FRMD4B: variants seen among roughly 807,000 people sequenced by gnomAD.
FRMD4B encodes FERM domain containing 4B.
A neutral mutation model predicts 141.5 loss-of-function variants in FRMD4B; 74 were observed. That is an observed-to-expected ratio of 0.52 (90% CI 0.43 to 0.63). The LOEUF (loss-of-function observed/expected upper bound fraction) is 0.63. Ranked by LOEUF, FRMD4B falls within the 30% of genes least tolerant of loss-of-function variation. The probability of loss-of-function intolerance (pLI) is 0.00; values close to 1 mark genes in which losing one functional copy is unlikely to be tolerated. For synonymous variants in FRMD4B, 506 were observed against 467.9 expected (o/e 1.08, Z -1.05); for missense variants, 1,366 against 1,253.4 (o/e 1.09, Z -1.36).
chr3:69,317,464 G>T (rs1409800236), intron 1 of FRMD4B, among the ~76,000 whole-genome samples: 1 of 152,064 alleles, frequency 6.6e-6, no homozygotes, highest in Non-Finnish European at 1.5e-5. Flanking sequence ...GGAGGCAAAA[G>T]ACCTGGGTGC....
chr3:69,221,346 C>G (rs570491269), intron 9 of FRMD4B, among the ~76,000 whole-genome samples: 16 of 152,260 alleles, frequency 1.1e-4, no homozygotes, highest in African/African-American at 3.6e-4. Context: ...CATGAAGAAA[C>G]AGACTATCTA....
At chr3:69,293,663 T>A (rs1160023409) in intron 4 of FRMD4B, among the ~76,000 whole-genome samples, 1 of 152,006 alleles carries the variant, frequency 6.6e-6, no homozygotes, top group Non-Finnish European at 1.5e-5. Context: ...GGCAGATCAC[T>A]TGAGGCCAGG....
intron 1 of FRMD4B, among the ~76,000 whole-genome samples, chr3:69,333,477 C>T (rs1220812737): frequency 6.6e-6 from 1 of 152,156 alleles, no homozygotes; most frequent in African/African-American, 2.4e-5. Context: ...AATTAGAAAT[C>T]CTTGTAGAAC....
Position 69,196,282 on chromosome 3 carries a change from C to T in FRMD4B, c.1207G>A (p.Ala403Thr), listed in dbSNP as rs761999020. The change falls in exon 14 of 23, where the codon GCA becomes ACA. Residue 403 changes from alanine (A) to threonine (T), a missense_variant. Ala to Thr is a moderately conservative substitution (Grantham distance 58, BLOSUM62 0). Coordinates refer to ENST00000398540, the MANE Select transcript of FRMD4B (RefSeq NM_015123.3). ...GAGGAGATTAAACTGCCATTACTTG[C>T]CATGATGAACTGACTTTTCGTCTCC... ...TLETKSQFIM[A>T]SNGSLISSGS... The T allele has an allele frequency of 3.1e-6, 5 of 1,606,268 alleles. No individual in the cohort carries two copies. The highest frequency in any genetic ancestry group is 4.2e-6 in the Non-Finnish European group (5 of 1,177,132).
chr3:69,509,654 A>G (rs1304465377), intron 1 of FRMD4B, among the ~76,000 whole-genome samples: 1 of 152,062 alleles, frequency 6.6e-6, no homozygotes, highest in Non-Finnish European at 1.5e-5. Context: ...CTGCTGGAAA[A>G]TCTCAGAAAC....
intron 1 of FRMD4B, among the ~76,000 whole-genome samples, chr3:69,469,934 G>T (rs1316977924): frequency 1.3e-5 from 2 of 152,170 alleles, no homozygotes; most frequent in Non-Finnish European, 2.9e-5. Context: ...TTGCTGTGTT[G>T]CAGCGAATGT....
At chr3:69,179,711 A>C (rs2092685071) in intron 21 of FRMD4B, among the ~76,000 whole-genome samples, 2 of 152,234 alleles carry the variant, frequency 1.3e-5, no homozygotes, top group South Asian at 4.1e-4. Context: ...ATAAGGGAGA[A>C]GGTGAGACTC....
chr3:69,183,269 G>C (rs940356116), intron 19 of FRMD4B, among the ~76,000 whole-genome samples: 5 of 151,994 alleles, frequency 3.3e-5, no homozygotes, highest in African/African-American at 9.7e-5. Context: ...CATTTTTACA[G>C]GTTGTAAAAT....
At chr3:69,345,418 T>C (rs1434718622) in intron 1 of FRMD4B, among the ~76,000 whole-genome samples, 4 of 152,170 alleles carry the variant, frequency 2.6e-5, no homozygotes, top group Non-Finnish European at 5.9e-5. Context: ...GGGCAGGGCA[T>C]AGCCAAACAA....
chr3:69,206,896 C>A (rs796180379), intron 11 of FRMD4B, among the ~76,000 whole-genome samples: 3 of 151,932 alleles, frequency 2.0e-5, no homozygotes, highest in African/African-American at 7.3e-5. Context: ...GTACATGGCA[C>A]TCTATGGTTA....
intron 1 of FRMD4B, among the ~76,000 whole-genome samples, chr3:69,360,908 T>C (rs1362227010): frequency 6.6e-6 from 1 of 152,230 alleles, no homozygotes; most frequent in Non-Finnish European, 1.5e-5. Context: ...GGCATTCTAA[T>C]TCTATTATCC....
At chr3:69,247,957 A>T (rs1454809239) in intron 7 of FRMD4B, among the ~76,000 whole-genome samples, 1 of 142,678 alleles carries the variant, frequency 7.0e-6, no homozygotes, top group East Asian at 2.1e-4. Flanking sequence ...CCACCCAGCT[A>T]ATTTTTATAT....
chr3:69,207,769 A>G (rs1186876008), intron 11 of FRMD4B, among the ~76,000 whole-genome samples: 1 of 151,584 alleles, frequency 6.6e-6, no homozygotes, highest in Non-Finnish European at 1.5e-5. Flanking sequence ...GATCGGGCCA[A>G]TGCACTCCAG....
At position 69,194,484 on chromosome 3, in the gene FRMD4B, C is replaced by T. The variant is rs114222225; in HGVS notation, c.1488+538G>A. Among the ~76,000 whole-genome samples, 1,101 of 152,238 alleles carry T rather than the reference C, an allele frequency of 7.2e-3. 16 individuals carry two copies. The highest frequency in any genetic ancestry group is 0.025 in the African/African-American group (1,055 of 41,540). The stretch of plus-strand genomic sequence containing the variant: ...AAGATGGTCAAATTTCTACAAGAAA[C>T]ATAGATATGGTTATATTGGCTGATG... On this transcript the variant is annotated intron_variant, in intron 16 of 22. Transcript: ENST00000398540.
At chr3:69,364,208 A>G (rs1250201718) in intron 1 of FRMD4B, among the ~76,000 whole-genome samples, 1 of 152,200 alleles carries the variant, frequency 6.6e-6, no homozygotes, top group Admixed American at 6.5e-5. Context: ...TGCCTGTCCC[A>G]CTCACCTCAG....
chr3:69,421,336 G>C (rs780395949), intron 2 of FRMD4B, among the ~76,000 whole-genome samples: 2 of 152,204 alleles, frequency 1.3e-5, no homozygotes, highest in Non-Finnish European at 2.9e-5. Flanking sequence ...AGTCATCTGA[G>C]GTTGAATTAG....
intron 2 of FRMD4B, among the ~76,000 whole-genome samples, chr3:69,404,965 C>A (rs1215046874): frequency 6.6e-6 from 1 of 152,144 alleles, no homozygotes; most frequent in Admixed American, 6.6e-5. Context: ...AAACTTGGTC[C>A]AATAGCCTAG....
chr3:69,363,905 A>G (rs1703555025), intron 1 of FRMD4B, among the ~76,000 whole-genome samples: 1 of 152,148 alleles, frequency 6.6e-6, no homozygotes, highest in South Asian at 2.1e-4. Flanking sequence ...CAATTTGGTG[A>G]TCACCTCCAG....
At chr3:69,524,632 G>A (rs1451118117) in intron 1 of FRMD4B, among the ~76,000 whole-genome samples, 2 of 152,128 alleles carry the variant, frequency 1.3e-5, no homozygotes, top group Non-Finnish European at 2.9e-5. Flanking sequence ...CTTCCATATT[G>A]ATGCTCTGCC....
Sources: allele counts gnomAD v4.1 joint callset (sites outside exome capture counted in the v4.1 genomes callset), GRCh38; gene constraint gnomAD v4.1.1; transcripts MANE v1.5; gene names NCBI Gene and HGNC (gene_info 2026-07-23, HGNC 2026-07-21).